DEPDC4: variants seen among roughly 807,000 people sequenced by gnomAD.
DEPDC4 encodes the protein DEP domain containing 4, also known as DEP domain-containing protein 4.
In DEPDC4, 52 loss-of-function variants were observed where a neutral mutation model predicts 52.0. The observed-to-expected ratio is 1.00, with a 90% CI of 0.80 to 1.26. The LOEUF is 1.26. Ranked by LOEUF, DEPDC4 falls within the 50% of genes most tolerant of loss-of-function variation. The probability of loss-of-function intolerance (pLI) is 0.00; values close to 1 mark genes in which losing one functional copy is unlikely to be tolerated. For missense variants in DEPDC4, 530 were observed against 546.9 expected (o/e 0.97, Z 0.31); for synonymous variants, 201 against 196.8 (o/e 1.02, Z -0.18).
the DEPDC4 span, among the ~76,000 whole-genome samples, chr12:100,279,449 T>C: frequency 1.1e-4 from 17 of 152,376 alleles, no homozygotes; most frequent in Non-Finnish European, 2.4e-4. Context: ...TACTGTTGTA[T>C]AAGTCACATC....
chr12:100,265,084 A>C (rs888346122), intron 1 of DEPDC4, among the ~76,000 whole-genome samples: 1 of 151,878 alleles, frequency 6.6e-6, no homozygotes, highest in African/African-American at 2.4e-5. Context: ...GGATCGCATG[A>C]ACTCAGGATT....
At position 100,235,057 on chromosome 12, in the gene DEPDC4, ATG is replaced by A. The variant is rs763178740; in HGVS notation, c.*699+2909_*699+2910del. Among the ~76,000 whole-genome samples, 258 of 30,200 alleles carry A rather than the reference ATG, an allele frequency of 8.5e-3. 1 individual carries two copies. The highest frequency in any genetic ancestry group is 0.05 in the Admixed American group (96 of 1,912). 19.8% of individuals were successfully genotyped at this position (30,200 alleles called of 152,430 possible). A position where few individuals can be genotyped will look rare whatever the true frequency, so the allele number is the denominator to read the frequency against. On this transcript the variant is annotated intron_variant and NMD_transcript_variant, in intron 9 of 10. Coordinates refer to the DEPDC4 transcript ENST00000378244. ...TTTCATTGAGTAGTAGTATGGATGT[ATG>A]TGTGTGTATATATATATATGTATAT...
chr12:100,269,429 G>A (rs953098334), upstream of DEPDC4, among the ~76,000 whole-genome samples: 4 of 151,954 alleles, frequency 2.6e-5, no homozygotes, highest in African/African-American at 9.7e-5. Flanking sequence ...CCACACCATT[G>A]AAGAGTTGTC....
At chr12:100,246,552 A>G (rs2096186326) in intron 8 of DEPDC4, among the ~76,000 whole-genome samples, 1 of 152,210 alleles carries the variant, frequency 6.6e-6, no homozygotes, top group African/African-American at 2.4e-5. Context: ...ACAACTATAG[A>G]GATTCAAAAA....
At chr12:100,235,234 A>G (rs1328602749), downstream of DEPDC4, among the ~76,000 whole-genome samples, 22 of 151,912 alleles carry the variant, frequency 1.4e-4, no homozygotes, top group African/African-American at 5.1e-4. Context: ...TTTCTAAACT[A>G]TATTTTATCC....
In DEPDC4 at chr12:100,253,654, C is replaced by T; in HGVS notation, c.940G>A (p.Val314Ile). Residue 314 changes from valine (V) to isoleucine (I), a missense_variant, in exon 5 of 10, where the codon GTT becomes ATT. Coordinates refer to ENST00000550587, the MANE Select transcript of DEPDC4 (RefSeq NM_001364818.2). Reference protein sequence around the residue: ...CLEYFPDQLIVTVSQQLMQNR... With the variant: ...CLEYFPDQLIITVSQQLMQNR... ...TGCATTAACTGCTGACTAACTGTAA[C>T]TATTAACTGGTCAGGGAAATACTCC... 7.8e-7 allele frequency: 1 copy of T among 1,289,922 alleles called. No individual in the cohort carries two copies. Among genetic ancestry groups the T allele is most frequent in the South Asian group, 1.2e-5 (1 of 81,010 alleles). 79.9% of individuals were successfully genotyped at this position (1,289,922 alleles called of 1,614,324 possible). A position where few individuals can be genotyped will look rare whatever the true frequency, so the allele number is the denominator to read the frequency against.
downstream of DEPDC4, among the ~76,000 whole-genome samples, chr12:100,235,781 C>T (rs1039471863): frequency 6.6e-6 from 1 of 152,156 alleles, no homozygotes; most frequent in African/African-American, 2.4e-5. Context: ...ACCATGTTGG[C>T]TAGGCTGGTC....
chr12:100,256,364 C>T lies in DEPDC4; in HGVS notation c.701-138G>A, dbSNP rs1592893686. On this transcript the variant is annotated intron_variant, in intron 3 of 9. Transcript: ENST00000550587. ...AGTAATATAATGGGTTAATTTAATG[C>T]TTAGATAATTTACATTTGTTATATT... The T allele has an allele frequency of 9.3e-6, 5 of 536,790 alleles. No individual in the cohort carries two copies. The East Asian group carries it at 1.5e-4, about 16-fold the overall frequency. 33.3% of individuals were successfully genotyped at this position (536,790 alleles called of 1,614,324 possible). A position where few individuals can be genotyped will look rare whatever the true frequency, so the allele number is the denominator to read the frequency against.
chr12:100,249,114 G>C (rs1429928433), intron 7 of DEPDC4, 136 bp from the exon 8 acceptor site: 1 of 183,796 alleles, frequency 5.4e-6, no homozygotes, highest in East Asian at 1.9e-4. Context: ...GAAAGGGTGG[G>C]TGGTAGAAGG....
chr12:100,246,349 C>T (rs561381406), intron 8 of DEPDC4, among the ~76,000 whole-genome samples: 42 of 152,188 alleles, frequency 2.8e-4, no homozygotes, highest in African/African-American at 9.6e-4. Context: ...TGAACATATC[C>T]CTGTCAGATT....
At chr12:100,247,543 C>T (rs2096191247) in intron 8 of DEPDC4, among the ~76,000 whole-genome samples, 1 of 152,090 alleles carries the variant, frequency 6.6e-6, no homozygotes, top group African/African-American at 2.4e-5. Flanking sequence ...GAGTAAAATG[C>T]TGACAATCCT....
intron 1 of DEPDC4, 59 bp downstream of exon 1, chr12:100,266,861 C>T (rs1178144358): frequency 5.1e-6 from 8 of 1,566,498 alleles, no homozygotes; most frequent in South Asian, 1.2e-5. Context: ...CAGCCGCCTG[C>T]TCCCTTCAGC....
In DEPDC4 at chr12:100,260,284, C is replaced by T. The variant is rs116475139; in HGVS notation, c.700+1980G>A. Among the ~76,000 whole-genome samples the T allele has an allele frequency of 9.4e-3, 1,434 of 151,844 alleles. 28 individuals are homozygous for T. Among genetic ancestry groups the T allele is most frequent in the African/African-American group, 0.032 (1,336 of 41,422 alleles). Reference sequence around the variant, plus strand: ...TATAGGCACGCACCACGACACCTGGCTAATCTTTGTATTTTTAGTAGAGAT... The same window carrying T: ...TATAGGCACGCACCACGACACCTGGTTAATCTTTGTATTTTTAGTAGAGAT... On this transcript the variant is annotated intron_variant, in intron 3 of 9. Transcript: ENST00000550587.
chr12:100,254,467 A>G (rs777516788), intron 4 of DEPDC4, among the ~76,000 whole-genome samples: 1 of 151,640 alleles, frequency 6.6e-6, no homozygotes, highest in Non-Finnish European at 1.5e-5. Context: ...CCAGGACTAT[A>G]GGCGTGCACC....
rs2096217861 is a variant in DEPDC4 at position 100,253,542 on chromosome 12, C to T, written c.1052G>A (p.Cys351Tyr). 7.8e-7 allele frequency: 1 copy of T among 1,288,178 alleles called. No individual in the cohort carries two copies. The highest frequency in any genetic ancestry group is 1.0e-6 in the Non-Finnish European group (1 of 988,076). 79.8% of individuals were successfully genotyped at this position (1,288,178 alleles called of 1,614,324 possible). ...ATCAAAATACTCATCAGTTAATAGGCAATCTCTCTCTTGAGCATAGTATTT... is the reference window on the plus strand; with the variant it reads ...ATCAAAATACTCATCAGTTAATAGGTAATCTCTCTCTTGAGCATAGTATTT... The part of the protein sequence containing the change: ...IAKYYAQERD[C>Y]LLTDEYFDIH... The change falls in exon 5 of 10, where the codon TGC becomes TAC. Residue 351 changes from cysteine to tyrosine, a missense_variant. Transcript: ENST00000550587.
downstream of DEPDC4, among the ~76,000 whole-genome samples, chr12:100,238,371 G>A (rs1388185870): frequency 6.6e-6 from 1 of 152,022 alleles, no homozygotes; most frequent in African/African-American, 2.4e-5. Flanking sequence ...TGTTGGCCAG[G>A]CTGGTCTCGA....
chr12:100,264,557 T>TA (rs2096265118), intron 1 of DEPDC4, among the ~76,000 whole-genome samples: 1 of 152,046 alleles, frequency 6.6e-6, no homozygotes, highest in Non-Finnish European at 1.5e-5. Flanking sequence ...CATGCGCCTG[T>TA]AATCCCAGTT....
chr12:100,248,442 T>C (rs2096194784), intron 8 of DEPDC4, among the ~76,000 whole-genome samples: 1 of 152,094 alleles, frequency 6.6e-6, no homozygotes, highest in Non-Finnish European at 1.5e-5. Flanking sequence ...ATAAGATCAA[T>C]AGCCTAAAGA....
chr12:100,246,733 T>A (rs2096187200), intron 8 of DEPDC4, among the ~76,000 whole-genome samples: 1 of 152,122 alleles, frequency 6.6e-6, no homozygotes, highest in African/African-American at 2.4e-5. Context: ...GGTCAGGAGT[T>A]CGAGACCAGC....
Sources: allele counts gnomAD v4.1 joint callset (sites outside exome capture counted in the v4.1 genomes callset), GRCh38; gene constraint gnomAD v4.1.1; transcripts MANE v1.5; gene names NCBI Gene and HGNC (gene_info 2026-07-23, HGNC 2026-07-21).